The following PTPRA variants were observed in gnomAD, a reference collection of about 807,000 sequenced individuals.
The protein encoded by PTPRA is receptor-type tyrosine-protein phosphatase alpha.
PTPRA carries 25 observed loss-of-function variants against 104.8 expected under a neutral mutation model. That is an observed-to-expected ratio of 0.24 (90% CI 0.17 to 0.33). PTPRA has a LOEUF of 0.33. Among genes scored for constraint, PTPRA ranks in the 10% least tolerant of loss-of-function variants. The probability of loss-of-function intolerance (pLI) is 1.00; values close to 1 mark genes in which losing one functional copy is unlikely to be tolerated. For missense variants in PTPRA, 765 were observed against 1,015.3 expected (o/e 0.75, Z 3.35); for synonymous variants, 323 against 368.9 (o/e 0.88, Z 1.43).
intron 9 of PTPRA, among the ~76,000 whole-genome samples, chr20:2,997,263 T>C (rs2063437266): frequency 6.6e-6 from 1 of 152,124 alleles, no homozygotes; most frequent in South Asian, 2.1e-4. Context: ...ACAAGGGGGC[T>C]GGAAGAGAGG....
intron 1 of PTPRA, among the ~76,000 whole-genome samples, chr20:2,901,064 T>C (rs1406383944): frequency 6.6e-6 from 1 of 151,734 alleles, no homozygotes; most frequent in Non-Finnish European, 1.5e-5. Context: ...CTCTGCCTCC[T>C]GGTTCAAGTG....
chr20:2,909,086 C>G (rs1315319756), intron 1 of PTPRA, among the ~76,000 whole-genome samples: 1 of 152,054 alleles, frequency 6.6e-6, no homozygotes, highest in Non-Finnish European at 1.5e-5. Context: ...AAAAGCAGTT[C>G]AACAAGGATC....
intron 13 of PTPRA, among the ~76,000 whole-genome samples, chr20:3,019,007 A>G (rs1427790482): frequency 7.9e-5 from 9 of 114,282 alleles, no homozygotes; most frequent in East Asian, 3.3e-4. Flanking sequence ...CCTCCCGGAC[A>G]GGGCAGCTGG....
rs1045028389 is a variant in PTPRA, at chr20:2,923,238, A to G, written c.-97A>G. ...CAACTAAAAAAAAACAAAGGTATTT[A>G]TGGAATTCCACTGAGTGGTAATGGA... On this transcript the variant is annotated 5_prime_UTR_variant, in exon 2 of 24. It removes an upstream start codon present in the reference 5' UTR. Coordinates refer to ENST00000399903, the MANE Select transcript of PTPRA (RefSeq NM_001385305.1). The G allele has an allele frequency of 2.7e-5, 34 of 1,270,284 alleles. No homozygotes were observed. The Admixed American group carries it at 2.7e-4, about 10-fold the overall frequency. 78.7% of individuals were successfully genotyped at this position (1,270,284 alleles called of 1,614,324 possible).
intron 6 of PTPRA, among the ~76,000 whole-genome samples, chr20:2,978,943 G>A (rs2062557744): frequency 6.6e-6 from 1 of 152,182 alleles, no homozygotes. Flanking sequence ...CTCTGCTAGT[G>A]TGTGAACTTG....
chr20:2,888,379 G>A (rs1008635675), intron 1 of PTPRA, among the ~76,000 whole-genome samples: 7 of 152,026 alleles, frequency 4.6e-5, no homozygotes, highest in African/African-American at 1.7e-4. Flanking sequence ...GGGCAACATA[G>A]TGAGACCCTG....
intron 9 of PTPRA, among the ~76,000 whole-genome samples, chr20:2,990,457 C>G (rs1257026187): frequency 6.6e-6 from 1 of 152,168 alleles, no homozygotes; most frequent in Non-Finnish European, 1.5e-5. Flanking sequence ...CTAGCTCACA[C>G]CTATAATCCC....
intron 9 of PTPRA, among the ~76,000 whole-genome samples, chr20:2,992,369 T>G (rs973796794): frequency 2.0e-5 from 3 of 151,904 alleles, no homozygotes; most frequent in African/African-American, 7.3e-5. Context: ...ATACAAAAAT[T>G]AGCCAGGCAT....
In PTPRA at chr20:2,953,299, G is replaced by A. The variant is rs916179113; in HGVS notation, c.-7+5275G>A. On this transcript the variant is annotated intron_variant, in intron 3 of 23. Transcript: ENST00000399903. ...AGGCAGAGTCTCACTCTGTCACCCAGGCTGAAGTGTAGTGGCGCAATCTCG... is the reference window on the plus strand; with the variant it reads ...AGGCAGAGTCTCACTCTGTCACCCAAGCTGAAGTGTAGTGGCGCAATCTCG... Among the ~76,000 whole-genome samples the A allele has an allele frequency of 1.6e-4, 24 of 151,788 alleles. 1 individual carries two copies. Among genetic ancestry groups the A allele is most frequent in the Non-Finnish European group, 2.9e-5 (2 of 67,966 alleles).
In PTPRA at chr20:3,027,063, A is replaced by C. The variant is rs2065182116; in HGVS notation, c.1709-58A>C. 1.9e-6 allele frequency: 3 copies of C among 1,563,568 alleles called. No individual in the cohort carries two copies. The South Asian group carries it at 3.4e-5, about 17-fold the overall frequency. Reference sequence around the variant, plus strand: ...CCAGGGCCTGAGGTGGGAGCAATGCAAGGAGAGGGAGAGGACAAATGATAT... The same window carrying C: ...CCAGGGCCTGAGGTGGGAGCAATGCCAGGAGAGGGAGAGGACAAATGATAT... On this transcript the variant is annotated intron_variant, in intron 18 of 23. Transcript: ENST00000399903.
intron 14 of PTPRA, among the ~76,000 whole-genome samples, chr20:3,021,735 T>C (rs1209789400): frequency 6.6e-6 from 1 of 152,228 alleles, no homozygotes; most frequent in African/African-American, 2.4e-5. Context: ...CCTCCTTTCC[T>C]ACTCCAAAGA....
At chr20:3,021,966 C>G (rs1301096201) in intron 14 of PTPRA, 88 bp from the exon 15 acceptor site, 16 of 1,496,366 alleles carry the variant, frequency 1.1e-5, no homozygotes, top group Non-Finnish European at 1.5e-5. Context: ...TCCATTGTCA[C>G]TGACAACCAC....
rs940963968 is a variant in PTPRA at position 2,945,587 on chromosome 20, G to A, written c.-49-2395G>A. On this transcript the variant is annotated intron_variant, in intron 2 of 23. Transcript: ENST00000399903. ...GAGCTTGATTATAATTGGCAGGTGTGTGTGTGTGTGTGTGTGTGTGTGTGT... is the reference window on the plus strand; with the variant it reads ...GAGCTTGATTATAATTGGCAGGTGTATGTGTGTGTGTGTGTGTGTGTGTGT... Among the ~76,000 whole-genome samples the A allele has an allele frequency of 1.7e-3, 40 of 23,842 alleles. No individual in the cohort carries two copies. In the East Asian group the frequency reaches 0.055, roughly 33 times the overall value. 15.6% of individuals were successfully genotyped at this position (23,842 alleles called of 152,430 possible).
At chr20:2,990,355 C>T (rs2063116567) in intron 9 of PTPRA, among the ~76,000 whole-genome samples, 1 of 152,140 alleles carries the variant, frequency 6.6e-6, no homozygotes, top group Admixed American at 6.6e-5. Flanking sequence ...TCACATGCTC[C>T]TTCTTAAACC....
the PTPRA span, chr20:2,866,654 C>T: frequency 1.3e-6 from 2 of 1,579,596 alleles, no homozygotes; most frequent in African/African-American, 2.7e-5. Flanking sequence ...GTTCATCCAG[C>T]TCCTCCCCTA....
intron 13 of PTPRA, among the ~76,000 whole-genome samples, chr20:3,019,099 G>A (rs1316702270): frequency 4.9e-5 from 7 of 143,416 alleles, no homozygotes; most frequent in African/African-American, 1.3e-4. Context: ...CAGTAGGGGC[G>A]GCCGGGCAGA....
chr20:2,869,435 A>G (rs1170295478), upstream of PTPRA, among the ~76,000 whole-genome samples: 1 of 152,206 alleles, frequency 6.6e-6, no homozygotes, highest in Non-Finnish European at 1.5e-5. Context: ...TGTGACATTT[A>G]AAAACCAGAA....
chr20:2,945,853 C>T (rs570196890), intron 2 of PTPRA, among the ~76,000 whole-genome samples: 5 of 151,560 alleles, frequency 3.3e-5, no homozygotes, highest in East Asian at 1.9e-4. Flanking sequence ...CACTCAAGCC[C>T]GGGAGGTAGA....
chr20:2,997,544 TA>T (rs1358637061), intron 9 of PTPRA, among the ~76,000 whole-genome samples: 1 of 152,062 alleles, frequency 6.6e-6, no homozygotes, highest in Admixed American at 6.6e-5. Context: ...TGGGGGTGAA[TA>T]ACTAAAGGAA....
Sources: gnomAD v4.1 joint callset for allele counts (sites outside exome capture counted in the v4.1 genomes callset) on GRCh38, gnomAD v4.1.1 for gene constraint, MANE v1.5 for transcripts, NCBI Gene and HGNC (gene_info 2026-07-23, HGNC 2026-07-21) for gene names.